The following RARB variants were observed in gnomAD, a reference collection of about 807,000 sequenced individuals.
RARB encodes the protein HBV-activated protein.
RARB carries 17 observed loss-of-function variants against 51.9 expected under a neutral mutation model. The observed-to-expected ratio is 0.33, with a 90% CI of 0.22 to 0.49. The LOEUF is 0.49. Ranked by LOEUF, RARB falls within the 20% of genes least tolerant of loss-of-function variation. The pLI is 0.99. For synonymous variants in RARB, 215 were observed against 195.4 expected (o/e 1.10, Z -0.84); for missense variants, 369 against 550.8 (o/e 0.67, Z 3.30).
chr3:25,521,174 C>T (rs919190156), intron 3 of RARB, among the ~76,000 whole-genome samples: 4 of 152,196 alleles, frequency 2.6e-5, no homozygotes, highest in Non-Finnish European at 4.4e-5. Flanking sequence ...GTCCACATCA[C>T]CCAAGACTTC....
chr3:25,317,391 C>A (rs572211581), intron 5 of RARB, among the ~76,000 whole-genome samples: 1 of 152,086 alleles, frequency 6.6e-6, no homozygotes, highest in African/African-American at 2.4e-5. Context: ...TTAACTATGC[C>A]AGTTCTGGGT....
In RARB at chr3:25,477,117, T is replaced by C. The variant is rs568450595; in HGVS notation, c.306+15776T>C. Among the ~76,000 whole-genome samples, 5 of 152,366 alleles carry C rather than the reference T, an allele frequency of 3.3e-5. No homozygotes were observed. In the East Asian group the frequency reaches 7.7e-4, roughly 23 times the overall value. Reference sequence around the variant, plus strand: ...CAAATGGAGGAGATGTTTAGGATACTGTTGGCCAAGTATGTCCTAACAGAT... The same window carrying C: ...CAAATGGAGGAGATGTTTAGGATACCGTTGGCCAAGTATGTCCTAACAGAT... On this transcript the variant is annotated intron_variant, in intron 2 of 7. Transcript: ENST00000330688.
At chr3:25,596,331 C>A in intron 7 of RARB, 89 bp from the exon 8 acceptor site, 2 of 1,065,484 alleles carry the variant, frequency 1.9e-6, no homozygotes, top group African/African-American at 3.2e-5. Context: ...GGAAACACCT[C>A]TGTTAAAATA....
chr3:25,239,237 C>T (rs980596032), intron 5 of RARB, among the ~76,000 whole-genome samples: 1 of 152,066 alleles, frequency 6.6e-6, no homozygotes, highest in African/African-American at 2.4e-5. Flanking sequence ...AAATATTTTT[C>T]CTATTCAACA....
At chr3:25,082,885 C>T (rs1040904826) in intron 3 of RARB, among the ~76,000 whole-genome samples, 5 of 152,032 alleles carry the variant, frequency 3.3e-5, no homozygotes, top group Admixed American at 6.5e-5. Flanking sequence ...TTTTGTTACT[C>T]TGAAAACTTC....
intron 4 of RARB, among the ~76,000 whole-genome samples, chr3:25,157,487 T>A (rs1036600595): frequency 6.6e-6 from 1 of 151,788 alleles, no homozygotes; most frequent in African/African-American, 2.4e-5. Flanking sequence ...CACTGCAACC[T>A]CAGCCTCCCA....
At chr3:24,834,246 T>C (rs114522903) in intron 1 of RARB, among the ~76,000 whole-genome samples, 5,589 of 152,304 alleles carry the variant, frequency 0.037, 190 homozygotes, top group East Asian at 0.12. Context: ...CACAGTACTA[T>C]GTTTGATTGT....
At chr3:24,869,570 A>G (rs1040858597) in intron 2 of RARB, among the ~76,000 whole-genome samples, 2 of 152,100 alleles carry the variant, frequency 1.3e-5, no homozygotes, top group East Asian at 1.9e-4. Context: ...CCCTCCCCCA[A>G]TTAGAATCAT....
chr3:25,228,217 G>GTTTTTTTTT (rs55796125), intron 5 of RARB, among the ~76,000 whole-genome samples: 2 of 105,628 alleles, frequency 1.9e-5, no homozygotes, highest in Admixed American at 1.0e-4. Context: ...GACTTTGAGG[G>GTTTTTTTTT]TTTTTTTTTT....
At chr3:25,476,306 C>T (rs1695939020) in intron 2 of RARB, among the ~76,000 whole-genome samples, 1 of 152,168 alleles carries the variant, frequency 6.6e-6, no homozygotes, top group Non-Finnish European at 1.5e-5. Context: ...CCATGTGGTT[C>T]TCAGTGTACT....
chr3:25,526,488 T>C (rs76397643), intron 3 of RARB, among the ~76,000 whole-genome samples: 5,399 of 152,300 alleles, frequency 0.035, 125 homozygotes, highest in Non-Finnish European at 0.053. Flanking sequence ...GTTAGTTAAG[T>C]TGTCCAGGCA....
intron 5 of RARB, among the ~76,000 whole-genome samples, chr3:25,216,456 G>A (rs182288991): frequency 5.3e-5 from 8 of 152,154 alleles, no homozygotes; most frequent in South Asian, 4.2e-4. Flanking sequence ...GAAGCTGGAC[G>A]CTATCATCCT....
rs546936540 is a variant in RARB, at chr3:25,576,407, C to T, written c.610-4139C>T. 2.6e-5 allele frequency among the ~76,000 whole-genome samples: 4 copies of T among 152,322 alleles called. No individual in the cohort carries two copies. In the South Asian group the frequency reaches 8.3e-4, roughly 32 times the overall value. Reference sequence around the variant, plus strand: ...TGGCCCCTTCCAGCAGCTGGGACCACTCCAGAATTCTAGCATTTCTTGGAC... The same window carrying T: ...TGGCCCCTTCCAGCAGCTGGGACCATTCCAGAATTCTAGCATTTCTTGGAC... On this transcript the variant is annotated intron_variant, in intron 4 of 7. Coordinates refer to ENST00000330688, the MANE Select transcript of RARB (RefSeq NM_000965.5).
At chr3:25,186,696 A>G (rs1410390036) in intron 5 of RARB, among the ~76,000 whole-genome samples, 2 of 152,160 alleles carry the variant, frequency 1.3e-5, no homozygotes, top group African/African-American at 4.8e-5. Context: ...AAGTGCACAT[A>G]TAGGGTGCCA....
At chr3:25,200,474 T>C (rs1285932308) in intron 5 of RARB, among the ~76,000 whole-genome samples, 4 of 152,184 alleles carry the variant, frequency 2.6e-5, no homozygotes, top group African/African-American at 7.2e-5. Context: ...ATTTTGGCTT[T>C]TGTTGCCATT....
At chr3:24,953,529 T>C (rs1371265524) in intron 2 of RARB, among the ~76,000 whole-genome samples, 1 of 152,148 alleles carries the variant, frequency 6.6e-6, no homozygotes, top group African/African-American at 2.4e-5. Flanking sequence ...ACAGATCCCA[T>C]GAACTCAAAG....
At chr3:24,945,202 CAT>C (rs1695748475) in intron 2 of RARB, among the ~76,000 whole-genome samples, 1 of 152,156 alleles carries the variant, frequency 6.6e-6, no homozygotes, top group African/African-American at 2.4e-5. Context: ...GCGCTTTAGA[CAT>C]AAAGAGTTTG....
intron 5 of RARB, among the ~76,000 whole-genome samples, chr3:25,238,685 T>C (rs554637182): frequency 6.6e-6 from 1 of 152,170 alleles, no homozygotes; most frequent in Non-Finnish European, 1.5e-5. Context: ...TTTTTGTCTT[T>C]TTAATAATAC....
chr3:25,023,170 T>C (rs1697673785), intron 2 of RARB, among the ~76,000 whole-genome samples: 1 of 152,136 alleles, frequency 6.6e-6, no homozygotes, highest in Admixed American at 6.5e-5. Context: ...AAGTCCATAG[T>C]AGGCCTAATT....
Sources: gnomAD v4.1 joint callset for allele counts (sites outside exome capture counted in the v4.1 genomes callset) on GRCh38, gnomAD v4.1.1 for gene constraint, MANE v1.5 for transcripts, NCBI Gene and HGNC (gene_info 2026-07-23, HGNC 2026-07-21) for gene names.